CPQ: variants seen among roughly 807,000 people sequenced by gnomAD.
CPQ encodes Ser-Met dipeptidase.
A neutral mutation model predicts 45.7 loss-of-function variants in CPQ; 37 were observed. The ratio of observed to expected loss-of-function variants is 0.81; its 90% CI spans 0.62 to 1.07. CPQ has a LOEUF of 1.07. Ranked by LOEUF, CPQ falls within the 50% of genes least tolerant of loss-of-function variation. The probability of loss-of-function intolerance (pLI) is 0.00; values close to 1 mark genes in which losing one functional copy is unlikely to be tolerated. For synonymous variants in CPQ, 186 were observed against 205.8 expected (o/e 0.90, Z 0.82); for missense variants, 537 against 572.9 (o/e 0.94, Z 0.64).
At chr8:96,684,347 G>C (rs1483939144) in intron 1 of CPQ, among the ~76,000 whole-genome samples, 1 of 152,248 alleles carries the variant, frequency 6.6e-6, no homozygotes, top group Non-Finnish European at 1.5e-5. Context: ...TTAGACTGCA[G>C]TTGTTAATGG....
chr8:96,778,788 A>G (rs1388810722), intron 1 of CPQ, among the ~76,000 whole-genome samples: 1 of 152,010 alleles, frequency 6.6e-6, no homozygotes, highest in African/African-American at 2.4e-5. Flanking sequence ...ATGTTATGGC[A>G]AAGTGTGGTG....
chr8:97,005,681 C>T (rs1157789824), intron 5 of CPQ, among the ~76,000 whole-genome samples: 1 of 152,100 alleles, frequency 6.6e-6, no homozygotes, highest in Non-Finnish European at 1.5e-5. Context: ...CTATTCTACG[C>T]AAGTTTTTGA....
intron 4 of CPQ, among the ~76,000 whole-genome samples, chr8:96,918,641 T>A (rs2130909349): frequency 6.6e-6 from 1 of 152,168 alleles, no homozygotes; most frequent in Non-Finnish European, 1.5e-5. Flanking sequence ...GGAAGGAGAC[T>A]AGGTGGGTGG....
chr8:96,679,845 T>G lies in CPQ; in HGVS notation c.-35+34443T>G, dbSNP rs960606330. On this transcript the variant is annotated intron_variant, in intron 1 of 7. Coordinates refer to ENST00000220763, the MANE Select transcript of CPQ (RefSeq NM_016134.4). ...TTACTATAGCTAGCAGTTTGTCAAT[T>G]TTACTTATATTTTCAAAAACCAACT... 5.9e-5 allele frequency among the ~76,000 whole-genome samples: 9 copies of G among 152,100 alleles called. No individual in the cohort carries two copies. In the South Asian group the frequency reaches 1.9e-3, roughly 31 times the overall value.
chr8:96,762,581 C>T (rs1586390651), intron 1 of CPQ, among the ~76,000 whole-genome samples: 1 of 152,100 alleles, frequency 6.6e-6, no homozygotes, highest in African/African-American at 2.4e-5. Context: ...TACAGAGGGA[C>T]AGTGATGGAG....
chr8:97,059,012 C>A (rs1810501979), intron 6 of CPQ, among the ~76,000 whole-genome samples: 1 of 152,078 alleles, frequency 6.6e-6, no homozygotes, highest in Non-Finnish European at 1.5e-5. Flanking sequence ...CATTTTTAGC[C>A]TTCTGGCTCA....
chr8:96,765,171 C>A (rs1286564732), intron 1 of CPQ, among the ~76,000 whole-genome samples: 1 of 152,124 alleles, frequency 6.6e-6, no homozygotes, highest in African/African-American at 2.4e-5. Flanking sequence ...CCAGGCAGAG[C>A]CATTCTGCTC....
intron 5 of CPQ, among the ~76,000 whole-genome samples, chr8:97,024,767 A>G (rs1193898336): frequency 6.6e-6 from 1 of 152,186 alleles, no homozygotes; most frequent in Non-Finnish European, 1.5e-5. Flanking sequence ...TGTCTCGGAT[A>G]CTGTACTCTT....
At chr8:96,899,419 A>C (rs1352355236) in intron 4 of CPQ, among the ~76,000 whole-genome samples, 1 of 152,202 alleles carries the variant, frequency 6.6e-6, no homozygotes, top group African/African-American at 2.4e-5. Flanking sequence ...CATTGCTATT[A>C]AGAAATACAT....
chr8:96,669,388 G>C (rs1465820646), intron 1 of CPQ, among the ~76,000 whole-genome samples: 1 of 152,172 alleles, frequency 6.6e-6, no homozygotes, highest in African/African-American at 2.4e-5. Flanking sequence ...GCCCCTCCTT[G>C]AGTGTCAATG....
intron 2 of CPQ, among the ~76,000 whole-genome samples, chr8:96,833,453 C>T (rs74737608): frequency 0.042 from 6,414 of 152,174 alleles, 178 homozygotes; most frequent in Middle Eastern, 0.099. Flanking sequence ...CAAAATTGCC[C>T]TATTGTTGCG....
chr8:97,059,858 T>C (rs1810517747), intron 6 of CPQ, among the ~76,000 whole-genome samples: 1 of 152,142 alleles, frequency 6.6e-6, no homozygotes, highest in Non-Finnish European at 1.5e-5. Flanking sequence ...GTTACTAAAA[T>C]TGATTGCCCT....
At position 96,946,259 on chromosome 8, in the gene CPQ, A is replaced by G. The variant is rs537967554; in HGVS notation, c.850-19676A>G. Among the ~76,000 whole-genome samples the G allele has an allele frequency of 6.6e-4, 101 of 152,188 alleles. 1 individual carries two copies. Among genetic ancestry groups the G allele is most frequent in the Admixed American group, 6.5e-3 (99 of 15,270 alleles). On this transcript the variant is annotated intron_variant, in intron 4 of 7. Transcript: ENST00000220763. Reference sequence around the variant, plus strand: ...TAGGACTTCTAAAACAGATACTTGCATTGCTTTCATTTCCAAAACAAAATT... The same window carrying G: ...TAGGACTTCTAAAACAGATACTTGCGTTGCTTTCATTTCCAAAACAAAATT...
chr8:96,959,891 C>CAAAAAAAAA (rs540520742), intron 4 of CPQ, among the ~76,000 whole-genome samples: 33 of 80,476 alleles, frequency 4.1e-4, no homozygotes, highest in South Asian at 9.0e-4. Flanking sequence ...ATCACAAAAG[C>CAAAAAAAAA]AAAAAAAAAA....
chr8:96,777,588 C>A (rs1343579048), intron 1 of CPQ, among the ~76,000 whole-genome samples: 2 of 151,506 alleles, frequency 1.3e-5, no homozygotes, highest in Admixed American at 6.6e-5. Context: ...CTAAAAGTTT[C>A]ACACTGAAGT....
At chr8:96,987,751 A>G (rs1295916911) in intron 5 of CPQ, among the ~76,000 whole-genome samples, 2 of 152,204 alleles carry the variant, frequency 1.3e-5, no homozygotes, top group African/African-American at 4.8e-5. Flanking sequence ...TGTGAGTTCC[A>G]TTCAGTTCCT....
Position 96,923,379 on chromosome 8 carries a change from T to A in CPQ, c.850-42556T>A, listed in dbSNP as rs917397083. Among the ~76,000 whole-genome samples, 5 of 152,202 alleles carry A rather than the reference T, an allele frequency of 3.3e-5. No homozygotes were observed. The South Asian group carries it at 1.0e-3, about 32-fold the overall frequency. On this transcript the variant is annotated intron_variant, in intron 4 of 7. Transcript: ENST00000220763. ...TCCTTTCCGTTCCTACACTGGCATA[T>A]CTTTCACCAGAAGCATTTAACCAGA...
chr8:96,776,410 A>G (rs1488996011), intron 1 of CPQ, among the ~76,000 whole-genome samples: 1 of 152,190 alleles, frequency 6.6e-6, no homozygotes, highest in Non-Finnish European at 1.5e-5. Flanking sequence ...AGTATAGAAG[A>G]AAAAGTAACT....
chr8:97,091,622 T>G (rs547519980), intron 7 of CPQ, among the ~76,000 whole-genome samples: 1 of 152,294 alleles, frequency 6.6e-6, no homozygotes, highest in East Asian at 1.9e-4. Flanking sequence ...TAAATTAATC[T>G]TTAGTTTTGC....
Sources: gnomAD v4.1 joint callset for allele counts (sites outside exome capture counted in the v4.1 genomes callset) on GRCh38, gnomAD v4.1.1 for gene constraint, MANE v1.5 for transcripts, NCBI Gene and HGNC (gene_info 2026-07-23, HGNC 2026-07-21) for gene names.